The following SLC25A22 variants were observed in gnomAD, a reference collection of about 807,000 sequenced individuals.
SLC25A22 encodes the protein mitochondrial glutamate carrier 1.
A neutral mutation model predicts 33.7 loss-of-function variants in SLC25A22; 23 were observed. The ratio of observed to expected loss-of-function variants is 0.68; its 90% CI spans 0.49 to 0.97. SLC25A22 has a LOEUF of 0.97. Among genes scored for constraint, SLC25A22 ranks in the 50% least tolerant of loss-of-function variants. The pLI, the probability that SLC25A22 is intolerant of heterozygous loss-of-function variation, is 0.00. For missense variants in SLC25A22, 390 were observed against 451.1 expected, an observed-to-expected ratio of 0.86 and a Z score of 1.23; for synonymous variants, 245 against 203.8, an observed-to-expected ratio of 1.20 and a Z score of -1.72.
At chr11:794,231 C>G in intron 4 of SLC25A22, 2 of 705,362 alleles carry the variant, frequency 2.8e-6, no homozygotes, top group Non-Finnish European at 5.2e-6. Flanking sequence ...GCATCCCACG[C>G]ACCAGGCACT....
At chr11:797,374 T>A (rs1434202834) in intron 1 of SLC25A22, 1 of 370,998 alleles carries the variant, frequency 2.7e-6, no homozygotes, top group East Asian at 3.9e-5. Flanking sequence ...CCCTGGTTTA[T>A]GAGACAGCTG....
rs974302832 is a variant in SLC25A22, at chr11:792,724, G to A, written c.416C>T (p.Ala139Val). The change falls in exon 7 of 10, where the codon GCC (alanine) becomes GTC (valine). Residue 139 changes from alanine (A) to valine (V), a missense_variant. Coordinates refer to ENST00000628067, the MANE Select transcript of SLC25A22 (RefSeq NM_001191061.2). ...IQLQDAGRIA[A>V]QRKILAAQGQ... ...CTGGGCAGCCAGGATCTTCCTCTGG[G>A]CGGCTGGGGACAAAGAGGCTGCTGT... 2 of 1,546,640 alleles carry A rather than the reference G, an allele frequency of 1.3e-6. No homozygotes were observed. The highest frequency in any genetic ancestry group is 1.7e-6 in the Non-Finnish European group (2 of 1,150,326).
intron 4 of SLC25A22, chr11:794,060 G>A (rs1409537856): frequency 4.0e-6 from 2 of 499,668 alleles, no homozygotes; most frequent in African/African-American, 3.9e-5. Flanking sequence ...CGAAGGCTCA[G>A]GGCTGGAGAG....
At chr11:795,517 G>A (rs533572494) in intron 1 of SLC25A22, 8 of 326,388 alleles carry the variant, frequency 2.5e-5, no homozygotes, top group Non-Finnish European at 4.2e-5. Flanking sequence ...GCCTACCGGA[G>A]CACCTCGACC....
In SLC25A22 at chr11:794,851, G is replaced by T; in HGVS notation, c.71C>A (p.Thr24Asn). The T allele has an allele frequency of 6.3e-7, 1 of 1,580,514 alleles. No homozygotes were observed. Among genetic ancestry groups the T allele is most frequent in the Non-Finnish European group, 8.6e-7 (1 of 1,163,792 alleles). ...GGCCAGGTCGATGGGAAACACGCAG[G>T]TGACACCGATCAGCCCGGCGATGCC... ...NGGIAGLIGVTCVFPIDLAKT... is the reference protein window; with the variant it reads ...NGGIAGLIGVNCVFPIDLAKT... Residue 24 changes from threonine to asparagine, a missense_variant, in exon 3 of 10, where the codon ACC becomes AAC. Transcript: ENST00000628067.
In SLC25A22 at chr11:793,570, C is replaced by T. The variant is rs1864645567; in HGVS notation, c.252G>A (p.Leu84=). The change falls in exon 5 of 10, where the codon CTG becomes CTA. Residue 84 remains leucine (L), a synonymous_variant. Coordinates refer to ENST00000628067, the MANE Select transcript of SLC25A22 (RefSeq NM_001191061.2). ...GATGTCGGAAGAAGTCGTTGGCTGC[C>T]AGCTTGATGGCCTTCTCGGGGGTGA... ...TLVTPEKAIK[L]AANDFFRHQL... is the part of the protein sequence containing the mutation. 1 of 1,613,080 alleles carries T rather than the reference C, an allele frequency of 6.2e-7. No individual in the cohort carries two copies. The highest frequency in any genetic ancestry group is 8.5e-7 in the Non-Finnish European group (1 of 1,179,968).
In SLC25A22 at chr11:791,840, C is replaced by T. The variant is rs1472625449; in HGVS notation, c.*75G>A. The T allele has an allele frequency of 4.1e-5, 61 of 1,501,206 alleles. No individual in the cohort carries two copies. In the South Asian group the frequency reaches 4.5e-4, roughly 11 times the overall value. The allele number at this position is 1,501,206 out of a possible 1,614,324, so 93.0% of individuals were successfully genotyped here. ...GCTGGGGAGGGGTCTTCCCTTGCTCCGTCCTGGGCTAGCTGCCTGGCTCCA... is the reference window on the plus strand; with the variant it reads ...GCTGGGGAGGGGTCTTCCCTTGCTCTGTCCTGGGCTAGCTGCCTGGCTCCA... On this transcript the variant is annotated 3_prime_UTR_variant, in exon 10 of 10. Coordinates refer to ENST00000628067, the MANE Select transcript of SLC25A22 (RefSeq NM_001191061.2).
chr11:792,764 G>A (rs560100791), intron 6 of SLC25A22, 37 bp from the exon 7 acceptor site: 28 of 1,545,610 alleles, frequency 1.8e-5, no homozygotes, highest in African/African-American at 5.4e-5. Flanking sequence ...TCTTCTGTGC[G>A]AACTGGGCAG....
Position 791,976 on chromosome 11 carries a change from A to G in SLC25A22, c.911T>C (p.Val304Ala). ...CTCCGCGATGCCCAGGAAGTAGACC[A>G]CCTGTGCGATGCCGAAAAGGGGCGC... Reference protein sequence around the residue: ...VIAPLFGIAQVVYFLGIAESL... With the variant: ...VIAPLFGIAQAVYFLGIAESL... Residue 304 changes from valine (V) to alanine (A), a missense_variant, in exon 10 of 10, where the codon GTG becomes GCG. Val to Ala is a moderately conservative substitution (Grantham distance 64). Coordinates refer to ENST00000628067, the MANE Select transcript of SLC25A22 (RefSeq NM_001191061.2). 6.2e-7 allele frequency: 1 copy of G among 1,608,882 alleles called. No homozygotes were observed. The highest frequency in any genetic ancestry group is 8.5e-7 in the Non-Finnish European group (1 of 1,179,488).
chr11:793,816 A>C (rs2133707619), intron 4 of SLC25A22, 197 bp from the exon 5 acceptor site: 1 of 614,618 alleles, frequency 1.6e-6, no homozygotes, highest in African/African-American at 1.8e-5. Flanking sequence ...CCTCAGGCTC[A>C]GGCTCTCCCA....
In SLC25A22 at chr11:792,942, C is replaced by T. The variant is rs905293556; in HGVS notation, c.340G>A (p.Gly114Ser). The T allele has an allele frequency of 3.1e-6, 5 of 1,613,238 alleles. No individual in the cohort carries two copies. The highest frequency in any genetic ancestry group is 4.2e-6 in the Non-Finnish European group (5 of 1,179,964). ...LKEMLAGCGAGTCQVIVTTPM... is the reference protein window; with the variant it reads ...LKEMLAGCGASTCQVIVTTPM... Reference sequence around the variant, plus strand: ...GTGGTCACGATCACCTGGCAGGTGCCAGCCCCACAGCCCGCCAGCATCTCT... The same window carrying T: ...GTGGTCACGATCACCTGGCAGGTGCTAGCCCCACAGCCCGCCAGCATCTCT... Residue 114 changes from glycine (G) to serine (S), a missense_variant, in exon 6 of 10, where the codon GGC (glycine) becomes AGC (serine). Transcript: ENST00000628067.
Position 795,103 on chromosome 11 carries a change from C to G in SLC25A22, c.-97G>C, listed in dbSNP as rs887735458. ...AGGAGGCCTTGAGGGAGGGTGGGAC[C>G]CAGGGGGGTTGGGTGGTGCTCCACC... On this transcript the variant is annotated 5_prime_UTR_variant, in exon 2 of 10. Transcript: ENST00000628067. 1.5e-5 allele frequency: 22 copies of G among 1,435,284 alleles called. No individual in the cohort carries two copies. The highest frequency in any genetic ancestry group is 2.1e-5 in the Non-Finnish European group (22 of 1,051,634). The allele number at this position is 1,435,284 out of a possible 1,614,324, so 88.9% of individuals were successfully genotyped here. A position where few individuals can be genotyped will look rare whatever the true frequency, so the allele number is the denominator to read the frequency against.
intron 1 of SLC25A22, chr11:795,410 CGCCGCTCACGCTCGGGGCTCACGT>C: frequency 5.5e-6 from 2 of 361,218 alleles, no homozygotes; most frequent in Admixed American, 3.9e-5. Context: ...CAGCCTCACA[CGCCGCTCACGCTCGGGGCTCACGT>C]GCACCCCAGC....
chr11:795,622 C>T (rs903382136), intron 1 of SLC25A22: 10 of 205,972 alleles, frequency 4.9e-5, no homozygotes, highest in South Asian at 3.9e-4. Flanking sequence ...GGGTCCCGGG[C>T]GCCCTAAGAC....
chr11:792,752 C>A (rs1565036706), intron 6 of SLC25A22, 25 bp from the exon 7 acceptor site: 1 of 1,545,122 alleles, frequency 6.5e-7, no homozygotes, highest in Non-Finnish European at 8.7e-7. Context: ...GCTGCTGTCT[C>A]CTCTTCTGTG....
chr11:794,837 T>A lies in SLC25A22; in HGVS notation c.85A>T (p.Ile29Phe), dbSNP rs1386206620. 9 of 1,588,088 alleles carry A rather than the reference T, an allele frequency of 5.7e-6. No individual in the cohort carries two copies. Among genetic ancestry groups the A allele is most frequent in the African/African-American group, 2.7e-5 (2 of 74,684 alleles). Residue 29 changes from isoleucine (I) to phenylalanine (F), a missense_variant, in exon 3 of 10, where the codon ATC becomes TTC. Physicochemically the swap from Ile to Phe is conservative, Grantham distance 21. Transcript: ENST00000628067. ...GLIGVTCVFP[I>F]DLAKTRLQNQ... Reference sequence around the variant, plus strand: ...TGCAGCCTGGTCTTGGCCAGGTCGATGGGAAACACGCAGGTGACACCGATC... The same window carrying A: ...TGCAGCCTGGTCTTGGCCAGGTCGAAGGGAAACACGCAGGTGACACCGATC...
intron 1 of SLC25A22, chr11:797,476 TAGTC>T (rs1032604001): frequency 1.0e-5 from 4 of 396,636 alleles, no homozygotes; most frequent in African/African-American, 8.2e-5. Context: ...CCCCCCTTCA[TAGTC>T]AGGTGAACTG....
intron 4 of SLC25A22, chr11:793,934 C>A: frequency 2.0e-6 from 1 of 495,744 alleles, no homozygotes; most frequent in Non-Finnish European, 3.7e-6. Flanking sequence ...CTCTCCCTCC[C>A]TGGAGGACAG....
intron 6 of SLC25A22, 39 bp downstream of exon 6, chr11:792,831 C>G: frequency 6.3e-7 from 1 of 1,584,790 alleles, no homozygotes; most frequent in East Asian, 2.3e-5. Flanking sequence ...CACCTCTTCC[C>G]GCACCTCTGC....
Sources: gnomAD v4.1 joint callset for allele counts on GRCh38, gnomAD v4.1.1 for gene constraint, MANE v1.5 for transcripts, NCBI Gene and HGNC (gene_info 2026-07-23, HGNC 2026-07-21) for gene names.